The following RBM6 variants were observed in gnomAD, a reference collection of about 807,000 sequenced individuals.
RBM6 encodes RNA-binding protein 6.
RBM6 carries 23 observed loss-of-function variants against 140.4 expected under a neutral mutation model. The ratio of observed to expected loss-of-function variants is 0.16; its 90% CI spans 0.12 to 0.23. The LOEUF (loss-of-function observed/expected upper bound fraction) is 0.23, where lower values mean the gene tolerates loss of function less well. Among genes scored for constraint, RBM6 ranks in the 10% least tolerant of loss-of-function variants. The pLI, the probability that RBM6 is intolerant of heterozygous loss-of-function variation, is 1.00. For missense variants in RBM6, 1,139 were observed against 1,386.7 expected, an observed-to-expected ratio of 0.82 and a Z score of 2.84; for synonymous variants, 439 against 475.6, an observed-to-expected ratio of 0.92 and a Z score of 1.00.
rs139269355 is a variant in RBM6 at position 50,020,923 on chromosome 3, G to C, written c.1557+21410G>C. ...TTATACAGCATCTGACCATAATTCG[G>C]AATATTTTTAAATTCCTCTTGAGAT... On this transcript the variant is annotated intron_variant, in intron 6 of 20. Transcript: ENST00000266022. 4.0e-3 allele frequency among the ~76,000 whole-genome samples: 612 copies of C among 152,230 alleles called. 4 individuals are homozygous for C. Among genetic ancestry groups the C allele is most frequent in the Non-Finnish European group, 7.0e-3 (474 of 68,024 alleles).
chr3:50,021,740 C>CTTTGTTTT (rs2087492842), intron 6 of RBM6, among the ~76,000 whole-genome samples: 1 of 42,732 alleles, frequency 2.3e-5, no homozygotes, highest in Non-Finnish European at 4.1e-5. Flanking sequence ...AATTTAAGTG[C>CTTTGTTTT]TTTTTTTTTT....
In RBM6 at chr3:50,061,444, T is replaced by C. The variant is rs766349603; in HGVS notation, c.2354-18T>C. 2.1e-5 allele frequency: 34 copies of C among 1,588,140 alleles called. No homozygotes were observed. Among genetic ancestry groups the C allele is most frequent in the Non-Finnish European group, 2.8e-5 (33 of 1,173,626 alleles). On this transcript the variant is annotated intron_variant, in intron 13 of 20. Transcript: ENST00000266022. ...ATTGGACAGAGACTAACATTGGCTC[T>C]GATCTTGTTACCTTTAGCATCATCT...
intron 11 of RBM6, 91 bp from the exon 12 acceptor site, chr3:50,060,865 C>G: frequency 3.0e-6 from 4 of 1,353,526 alleles, no homozygotes; most frequent in Non-Finnish European, 3.9e-6. Flanking sequence ...AAATGAGGAA[C>G]AGAGGATTTC....
intron 18 of RBM6, among the ~76,000 whole-genome samples, chr3:50,069,507 C>CAAAAAAA (rs60210595): frequency 7.6e-4 from 82 of 107,382 alleles, no homozygotes; most frequent in African/African-American, 2.9e-3. Flanking sequence ...GACCTTGTCT[C>CAAAAAAA]AAAAAAAAAA....
intron 6 of RBM6, among the ~76,000 whole-genome samples, chr3:50,002,778 A>T (rs2086401000): frequency 6.6e-6 from 1 of 152,200 alleles, no homozygotes. Flanking sequence ...ATGGATGTGG[A>T]TTAAACTCCT....
intron 8 of RBM6, 43 bp from the exon 9 acceptor site, chr3:50,057,685 T>TTTTTTAA: frequency 6.7e-7 from 1 of 1,493,098 alleles, no homozygotes; most frequent in Non-Finnish European, 9.0e-7. Context: ...TTTTTTTTTT[T>TTTTTTAA]GATAAAGCTT....
rs1475217599 is a variant in RBM6 at position 49,968,423 on chromosome 3, A to G, written c.998A>G (p.Glu333Gly). 6.2e-7 allele frequency: 1 copy of G among 1,614,156 alleles called. No individual in the cohort carries two copies. Among genetic ancestry groups the G allele is most frequent in the South Asian group, 1.1e-5 (1 of 91,072 alleles). ...CCTGCTTTTGGCATTCAGAAGGGAGAATTTGAGCATTCAGAAACAAGAGAA... is the reference window on the plus strand; with the variant it reads ...CCTGCTTTTGGCATTCAGAAGGGAGGATTTGAGCATTCAGAAACAAGAGAA... ...ERPAFGIQKGEFEHSETREGE... is the reference protein window; with the variant it reads ...ERPAFGIQKGGFEHSETREGE... The change falls in exon 3 of 21, where the codon GAA becomes GGA. Residue 333 changes from glutamate (E) to glycine (G), a missense_variant. By Grantham distance (98) the Glu-to-Gly change is moderately conservative. Around this residue, in one of 9 missense-constraint regions of RBM6, gnomAD observed 566 missense variants for 612.7 expected, o/e 0.92. Coordinates refer to ENST00000266022, the MANE Select transcript of RBM6 (RefSeq NM_005777.3).
At chr3:50,037,432 T>C (rs2088611246) in intron 6 of RBM6, among the ~76,000 whole-genome samples, 1 of 152,092 alleles carries the variant, frequency 6.6e-6, no homozygotes, top group South Asian at 2.1e-4. Flanking sequence ...CATAGTCACC[T>C]CCCTAAAATA....
At chr3:50,027,616 T>C (rs2087916016) in intron 6 of RBM6, among the ~76,000 whole-genome samples, 1 of 152,230 alleles carries the variant, frequency 6.6e-6, no homozygotes, top group Admixed American at 6.5e-5. Flanking sequence ...TGTGACTGGC[T>C]TCTTTTACTT....
At chr3:50,021,513 G>A (rs1397579253) in intron 6 of RBM6, among the ~76,000 whole-genome samples, 1 of 152,104 alleles carries the variant, frequency 6.6e-6, no homozygotes. Flanking sequence ...GGTGGCACAC[G>A]CCTGTAATCC....
chr3:50,034,739 C>T (rs1457801139), intron 6 of RBM6, among the ~76,000 whole-genome samples: 3 of 151,922 alleles, frequency 2.0e-5, no homozygotes, highest in South Asian at 2.1e-4. Context: ...CCAGCCTGGG[C>T]GACAGAGCGA....
At chr3:50,035,919 C>G (rs1559614240) in intron 6 of RBM6, among the ~76,000 whole-genome samples, 2 of 151,954 alleles carry the variant, frequency 1.3e-5, no homozygotes, top group African/African-American at 4.8e-5. Flanking sequence ...ACCACCATGT[C>G]TGGCTAATTT....
intron 4 of RBM6, 119 bp downstream of exon 4, chr3:49,972,267 A>G: frequency 1.3e-6 from 1 of 763,648 alleles, no homozygotes; most frequent in Non-Finnish European, 2.1e-6. Flanking sequence ...AGTCTTGTGT[A>G]TTTTTTTCCC....
chr3:49,997,629 C>CA (rs1484762960), intron 5 of RBM6, among the ~76,000 whole-genome samples: 1 of 152,156 alleles, frequency 6.6e-6, no homozygotes, highest in Non-Finnish European at 1.5e-5. Flanking sequence ...GAGAGTACAC[C>CA]TGTTTGTTCC....
chr3:49,997,770 G>A (rs1332065698), intron 5 of RBM6, among the ~76,000 whole-genome samples: 1 of 152,194 alleles, frequency 6.6e-6, no homozygotes, highest in East Asian at 1.9e-4. Flanking sequence ...TTTATAAAAT[G>A]CAGAGTGATT....
At chr3:49,970,487 C>T (rs567230736) in intron 3 of RBM6, among the ~76,000 whole-genome samples, 4 of 152,192 alleles carry the variant, frequency 2.6e-5, no homozygotes, top group South Asian at 4.2e-4. Flanking sequence ...TTGCAACTCT[C>T]GCTTAGTTAG....
intron 6 of RBM6, among the ~76,000 whole-genome samples, chr3:50,012,537 G>T (rs937386468): frequency 1.1e-4 from 16 of 149,864 alleles, no homozygotes; most frequent in Admixed American, 8.7e-4. Flanking sequence ...TTTTGTATTT[G>T]TAGTAGAGAC....
chr3:50,035,554 T>C (rs12488521), intron 6 of RBM6, among the ~76,000 whole-genome samples: 97,556 of 151,216 alleles, frequency 0.65, 32,091 homozygotes, highest in East Asian at 0.88. Flanking sequence ...TGGTGGCGGG[T>C]GCCTGTAGTC....
intron 6 of RBM6, among the ~76,000 whole-genome samples, chr3:50,031,391 A>G (rs1300360998): frequency 6.6e-6 from 1 of 152,240 alleles, no homozygotes; most frequent in Non-Finnish European, 1.5e-5. Context: ...ACCATGGAAT[A>G]CTATGCAGCA....
Sources: allele counts gnomAD v4.1 joint callset (sites outside exome capture counted in the v4.1 genomes callset), GRCh38; gene constraint gnomAD v4.1.1; regional missense constraint gnomAD v4.1.1; transcripts MANE v1.5; gene names NCBI Gene and HGNC (gene_info 2026-07-23, HGNC 2026-07-21).